The following VWF variants were observed in gnomAD, a reference collection of about 807,000 sequenced individuals.
VWF encodes the protein von Willebrand factor, also known as Factor VIII related antigen.
Under a neutral mutation model 308.6 loss-of-function variants are expected in VWF, and 176 were observed. The observed-to-expected ratio is 0.57, with a 90% CI of 0.50 to 0.65. VWF has a LOEUF of 0.65. Ranked by LOEUF, VWF falls within the 30% of genes least tolerant of loss-of-function variation. VWF has a pLI of 0.00. For missense variants in VWF, 3,146 were observed against 3,648.2 expected (o/e 0.86, Z 3.55); for synonymous variants, 1,385 against 1,443.4 (o/e 0.96, Z 0.92).
intron 6 of VWF, among the ~76,000 whole-genome samples, chr12:6,078,235 C>G (rs577773214): frequency 3.3e-5 from 5 of 152,280 alleles, no homozygotes; most frequent in Non-Finnish European, 5.9e-5. Flanking sequence ...TAGTATCTTG[C>G]GTGCTCCTTA....
chr12:6,114,411 T>TA (rs1945342637), intron 3 of VWF, among the ~76,000 whole-genome samples: 1 of 152,148 alleles, frequency 6.6e-6, no homozygotes, highest in South Asian at 2.1e-4. Flanking sequence ...GCTATGGCTA[T>TA]AAGTTTGTAA....
intron 3 of VWF, among the ~76,000 whole-genome samples, chr12:6,113,508 A>C (rs1945333565): frequency 6.6e-6 from 1 of 152,066 alleles, no homozygotes; most frequent in Non-Finnish European, 1.5e-5. Flanking sequence ...CATAGCCAGG[A>C]TGGTCTCGAT....
chr12:6,021,129 G>C (rs1487001560), intron 27 of VWF: 1 of 152,194 alleles, frequency 6.6e-6, no homozygotes, highest in Non-Finnish European at 1.5e-5. Context: ...CTCACCCCAG[G>C]CAGTGTTCAT....
rs752857167 is a variant in VWF, at chr12:6,095,472, C to A, written c.645G>T (p.Gly215=). Residue 215 remains glycine (G), a synonymous_variant, in exon 6 of 52, where the codon GGG becomes GGT. Transcript: ENST00000261405. The stretch of plus-strand genomic sequence containing the variant: ...AGTCCACACCCACCTTCTGCATTTC[C>A]CCAGAGGAGATGTTGCATGAGCTGC... ...PPSSSCNISS[G]EMQKGLWEQC... is the part of the protein sequence containing the mutation. 1 of 1,613,950 alleles carries A rather than the reference C, an allele frequency of 6.2e-7. No homozygotes were observed. The highest frequency in any genetic ancestry group is 1.3e-5 in the African/African-American group (1 of 74,902).
At chr12:6,026,112 A>C (rs1944189071) in intron 22 of VWF, 66 bp from the exon 23 acceptor site, 7 of 1,610,642 alleles carry the variant, frequency 4.3e-6, no homozygotes, top group Non-Finnish European at 5.9e-6. Context: ...CTCAGGGGAA[A>C]GGGGAACATT....
intron 10 of VWF, among the ~76,000 whole-genome samples, 172 bp from the exon 11 acceptor site, chr12:6,065,445 A>T (rs1029688296): frequency 6.6e-6 from 1 of 152,220 alleles, no homozygotes; most frequent in Non-Finnish European, 1.5e-5. Context: ...TCCTGCTCCT[A>T]AAACTGCAAG....
intron 10 of VWF, 30 bp from the exon 11 acceptor site, chr12:6,065,303 T>C: frequency 6.2e-7 from 1 of 1,613,696 alleles, no homozygotes; most frequent in Non-Finnish European, 8.5e-7. Flanking sequence ...GGGAGAAGAA[T>C]GGGAGGTGAG....
In VWF at chr12:5,985,626, T is replaced by C. The variant is rs760493208; in HGVS notation, c.6838A>G (p.Ile2280Val). ...TTCCGCCCGCTGAGGCATGTGCAGA[T>C]CTGACAGGGCTGGTGGTCCGGGACC... ...AWVPDHQPCQ[I>V]CTCLSGRKVN... The change falls in exon 39 of 52, where the codon ATC becomes GTC. Residue 2280 changes from isoleucine to valine, a missense_variant. Physicochemically the swap from Ile to Val is conservative, Grantham distance 29 (BLOSUM62 3). Coordinates refer to ENST00000261405, the MANE Select transcript of VWF (RefSeq NM_000552.5). The C allele has an allele frequency of 1.2e-6, 2 of 1,614,112 alleles. No homozygotes were observed. Among genetic ancestry groups the C allele is most frequent in the Non-Finnish European group, 1.7e-6 (2 of 1,180,022 alleles).
Position 6,060,277 on chromosome 12 carries a change from G to A in VWF, c.1534-2233C>T, listed in dbSNP as rs980133. Among the ~76,000 whole-genome samples the A allele has an allele frequency of 0.65, 98,362 of 152,028 alleles. 32,171 individuals carry two copies. Among genetic ancestry groups the A allele is most frequent in the East Asian group, 0.75 (3,864 of 5,140 alleles). ...GCAGGGCAGCCAGCAGGGCAGGGAA[G>A]CAGCACACAGAGGATGTGATTTCTG... On this transcript the variant is annotated intron_variant, in intron 13 of 51. Coordinates refer to ENST00000261405, the MANE Select transcript of VWF (RefSeq NM_000552.5). This position sits in a 1 kb window ranked among gnomAD's most constrained non-coding sequence, Gnocchi z 5.1.
intron 5 of VWF, 42 bp downstream of exon 5, chr12:6,110,332 C>T: frequency 6.3e-7 from 1 of 1,599,402 alleles, no homozygotes; most frequent in South Asian, 1.1e-5. Flanking sequence ...AAATAAAAAG[C>T]ATGGCCACAC....
chr12:6,071,450 T>A (rs1944780622), intron 9 of VWF, 107 bp from the exon 10 acceptor site: 1 of 1,296,486 alleles, frequency 7.7e-7, no homozygotes. Context: ...CGAAGGGATG[T>A]GGGAAAAGAA....
intron 38 of VWF, among the ~76,000 whole-genome samples, chr12:5,986,287 G>A (rs753910604): frequency 1.1e-4 from 17 of 152,190 alleles, no homozygotes; most frequent in Non-Finnish European, 2.4e-4. Flanking sequence ...TTCCTCACCT[G>A]TAAAATGAGC....
At chr12:5,965,846 T>C (rs1943395841) in intron 47 of VWF, among the ~76,000 whole-genome samples, 1 of 151,958 alleles carries the variant, frequency 6.6e-6, no homozygotes, top group Admixed American at 6.6e-5. Context: ...GAGAGATGCA[T>C]AGAGGGAGGG....
chr12:5,952,404 C>T lies in VWF; in HGVS notation c.8102G>A (p.Cys2701Tyr). 1 of 1,614,056 alleles carries T rather than the reference C, an allele frequency of 6.2e-7. No individual in the cohort carries two copies. Among genetic ancestry groups the T allele is most frequent in the East Asian group, 2.2e-5 (1 of 44,878 alleles). Residue 2701 changes from cysteine to tyrosine, a missense_variant, in exon 49 of 52, where the codon TGT becomes TAT. Physicochemically the swap from Cys to Tyr is radical, Grantham distance 194. Coordinates refer to ENST00000261405, the MANE Select transcript of VWF (RefSeq NM_000552.5). ...TGCPPFDEHK[C>Y]LAEGGKIMKI... is the part of the protein sequence containing the mutation. ...ATGAGTACTCACTCCCTCAGCCAGA[C>T]ACTTGTGTTCATCAAAGGGTGGGCA...
chr12:5,969,981 G>A (rs974752426), intron 44 of VWF, among the ~76,000 whole-genome samples: 35 of 152,210 alleles, frequency 2.3e-4, no homozygotes, highest in African/African-American at 8.2e-4. Flanking sequence ...AGTGCCCTCT[G>A]TGTCGGCCAG....
chr12:6,010,889 AAAGT>A (rs1375815330), intron 34 of VWF, among the ~76,000 whole-genome samples: 2 of 152,234 alleles, frequency 1.3e-5, no homozygotes, highest in African/African-American at 2.4e-5. Context: ...GTCTTCTGAC[AAAGT>A]AACTATAGAA....
intron 16 of VWF, among the ~76,000 whole-genome samples, chr12:6,048,423 C>A (rs1024885364): frequency 6.6e-6 from 1 of 152,136 alleles, no homozygotes; most frequent in Non-Finnish European, 1.5e-5. Context: ...GCCTCAGCCT[C>A]CTACAGTGCT....
intron 34 of VWF, among the ~76,000 whole-genome samples, chr12:5,999,972 A>C (rs1354588285): frequency 6.6e-6 from 1 of 152,162 alleles, no homozygotes; most frequent in Admixed American, 6.5e-5. Context: ...AAGCAAAAAA[A>C]AACCAATCAA....
intron 5 of VWF, among the ~76,000 whole-genome samples, chr12:6,109,746 G>A (rs1225676654): frequency 6.6e-6 from 1 of 152,142 alleles, no homozygotes; most frequent in Non-Finnish European, 1.5e-5. Context: ...TCCCTCCCGG[G>A]TTCACGCCAT....
Sources: gnomAD v4.1 joint callset for allele counts (sites outside exome capture counted in the v4.1 genomes callset) on GRCh38, gnomAD v4.1.1 for gene constraint, Gnocchi (gnomAD v3.1) non-coding constraint, MANE v1.5 for transcripts, NCBI Gene and HGNC (gene_info 2026-07-23, HGNC 2026-07-21) for gene names.